The following MALRD1 variants were observed in gnomAD, a reference collection of about 807,000 sequenced individuals.
MALRD1 encodes the protein MAM and LDL-receptor class A domain-containing protein 1.
A neutral mutation model predicts 242.1 loss-of-function variants in MALRD1; 247 were observed. The observed-to-expected ratio is 1.02, with a 90% CI of 0.92 to 1.13. The LOEUF (loss-of-function observed/expected upper bound fraction) is 1.13. Among genes scored for constraint, MALRD1 ranks in the 50% most tolerant of loss-of-function variants. MALRD1 has a pLI of 0.00. For synonymous variants in MALRD1, 995 were observed against 866.6 expected, an observed-to-expected ratio of 1.15 and a Z score of -2.60; for missense variants, 2,989 against 2,533.1, an observed-to-expected ratio of 1.18 and a Z score of -3.86.
intron 19 of MALRD1, among the ~76,000 whole-genome samples, chr10:19,276,987 T>C (rs924123339): frequency 7.2e-5 from 11 of 152,206 alleles, no homozygotes; most frequent in South Asian, 6.2e-4. Context: ...TGGTGTGATA[T>C]CGGCTCACTG....
chr10:19,668,635 C>CAA lies in MALRD1; in HGVS notation c.6138-23646_6138-23645insAA, dbSNP rs149211462. On this transcript the variant is annotated intron_variant, in intron 36 of 39. Coordinates refer to ENST00000454679, the MANE Select transcript of MALRD1 (RefSeq NM_001142308.3). Reference sequence around the variant, plus strand: ...AACATTTAATTCTATTTAATATGTGCAGAGTTAGAATATATACCTGGAGTC... The same window carrying CAA: ...AACATTTAATTCTATTTAATATGTGCAAAGAGTTAGAATATATACCTGGAGTC... Among the ~76,000 whole-genome samples, 675 of 152,106 alleles carry CAA rather than the reference C, an allele frequency of 4.4e-3. 6 individuals carry two copies. Among genetic ancestry groups the CAA allele is most frequent in the African/African-American group, 0.015 (617 of 41,486 alleles).
intron 35 of MALRD1, among the ~76,000 whole-genome samples, chr10:19,615,345 C>A (rs1213132548): frequency 6.6e-5 from 10 of 150,934 alleles, no homozygotes; most frequent in Admixed American, 6.6e-4. Flanking sequence ...ATGGCAAGAT[C>A]CCATCTTTAC....
intron 31 of MALRD1, among the ~76,000 whole-genome samples, chr10:19,511,347 ATC>A (rs1475495023): frequency 6.6e-6 from 1 of 152,120 alleles, no homozygotes. Context: ...ATAAAAATAT[ATC>A]TTCAAGAGCC....
At chr10:19,202,120 A>T (rs2358346) in intron 14 of MALRD1, among the ~76,000 whole-genome samples, 136,166 of 152,254 alleles carry the variant, frequency 0.89, 61,159 homozygotes, top group East Asian at 1. Context: ...GACTGAGAAA[A>T]CTTTACTCTA....
rs953034069 is a variant in MALRD1 at position 19,567,598 on chromosome 10, A to G, written c.5575A>G (p.Ser1859Gly). ...GACATATGGCTCTGTGCCTCTCTCC[A>G]GTAACAGTCCGTTTAAGGTGGCATT... Reference protein sequence around the residue: ...GWTYGSVPLSSNSPFKVAFEA... With the variant: ...GWTYGSVPLSGNSPFKVAFEA... Residue 1859 changes from serine (S) to glycine (G), a missense_variant, in exon 33 of 40, where the codon AGT becomes GGT. Physicochemically the swap from Ser to Gly is moderately conservative, Grantham distance 56. Transcript: ENST00000454679. 5.8e-6 allele frequency: 9 copies of G among 1,550,650 alleles called. No homozygotes were observed. In the South Asian group the frequency reaches 8.3e-5, roughly 14 times the overall value.
chr10:19,491,418 T>C (rs1255156839), intron 29 of MALRD1, 99 bp from the exon 30 acceptor site: 1 of 1,385,512 alleles, frequency 7.2e-7, no homozygotes, highest in Non-Finnish European at 9.8e-7. Context: ...ATCCTTAACT[T>C]GCTTACTAGT....
At position 19,389,484 on chromosome 10, in the gene MALRD1, G is replaced by C; in HGVS notation, c.4720G>C (p.Gly1574Arg). 6.4e-7 allele frequency: 1 copy of C among 1,550,526 alleles called. No individual in the cohort carries two copies. Among genetic ancestry groups the C allele is most frequent in the Non-Finnish European group, 8.7e-7 (1 of 1,146,958 alleles). Residue 1574 changes from glycine to arginine, a missense_variant, in exon 28 of 40, where the codon GGC (glycine) becomes CGC (arginine). By Grantham distance (125) the Gly-to-Arg change is moderately radical. Transcript: ENST00000454679. ...HFMYLEATAV[G>R]LRGDKAHFRS... The stretch of plus-strand genomic sequence containing the variant: ...CATGTATCTGGAAGCTACTGCAGTG[G>C]GCCTTCGGGGTGACAAAGCACACTT...
chr10:19,582,151 A>T (rs1837160726), intron 33 of MALRD1, among the ~76,000 whole-genome samples: 1 of 151,472 alleles, frequency 6.6e-6, no homozygotes, highest in African/African-American at 2.4e-5. Context: ...GGTTGCAAAA[A>T]TTTTCTCCCA....
At chr10:19,682,696 A>G (rs988781141) in intron 36 of MALRD1, among the ~76,000 whole-genome samples, 2 of 152,018 alleles carry the variant, frequency 1.3e-5, no homozygotes, top group African/African-American at 4.8e-5. Context: ...TTGCTTTCTC[A>G]TTTTGTTGCG....
intron 32 of MALRD1, among the ~76,000 whole-genome samples, chr10:19,542,224 G>A (rs1835002742): frequency 6.6e-6 from 1 of 152,120 alleles, no homozygotes; most frequent in Non-Finnish European, 1.5e-5. Flanking sequence ...TCACTTGGAA[G>A]TCTCGGTCTG....
intron 33 of MALRD1, among the ~76,000 whole-genome samples, chr10:19,569,115 A>T (rs188512216): frequency 6.6e-6 from 1 of 152,142 alleles, no homozygotes; most frequent in African/African-American, 2.4e-5. Flanking sequence ...TAGATTATTC[A>T]TCCCATATTC....
At chr10:19,101,775 T>A (rs1836269002) in intron 4 of MALRD1, among the ~76,000 whole-genome samples, 1 of 136,052 alleles carries the variant, frequency 7.4e-6, no homozygotes, top group Non-Finnish European at 1.5e-5. Flanking sequence ...GTATATTATA[T>A]TATTATATAT....
intron 19 of MALRD1, among the ~76,000 whole-genome samples, chr10:19,267,484 C>G (rs987223836): frequency 6.6e-6 from 1 of 151,894 alleles, no homozygotes; most frequent in Non-Finnish European, 1.5e-5. Context: ...CATCCCTTCT[C>G]GTTAGCCTCA....
intron 36 of MALRD1, among the ~76,000 whole-genome samples, chr10:19,643,730 C>A (rs75164850): frequency 6.6e-5 from 10 of 152,104 alleles, no homozygotes; most frequent in African/African-American, 2.4e-4. Context: ...CCTATTCTGT[C>A]CCCTTCCTTG....
At chr10:19,574,195 A>G in intron 33 of MALRD1, among the ~76,000 whole-genome samples, 1 of 152,244 alleles carries the variant, frequency 6.6e-6, no homozygotes. Flanking sequence ...AGGCTTGAAT[A>G]GCAAGTCCAA....
At position 19,695,110 on chromosome 10, in the gene MALRD1, A is replaced by T. The variant is rs186779276; in HGVS notation, c.6314+2556A>T. ...GTGGGGAGGCATAGCATTAGGAGAT[A>T]TACCCAATGTAAATGATGAGTTAAT... On this transcript the variant is annotated intron_variant, in intron 38 of 39. Coordinates refer to ENST00000454679, the MANE Select transcript of MALRD1 (RefSeq NM_001142308.3). Among the ~76,000 whole-genome samples, 385 of 152,274 alleles carry T rather than the reference A, an allele frequency of 2.5e-3. 2 individuals are homozygous for T. The highest frequency in any genetic ancestry group is 7.5e-4 in the Non-Finnish European group (51 of 68,036).
chr10:19,562,406 T>C (rs1481376024), intron 32 of MALRD1, among the ~76,000 whole-genome samples: 1 of 152,038 alleles, frequency 6.6e-6, no homozygotes, highest in African/African-American at 2.4e-5. Flanking sequence ...GTAAAACTCA[T>C]GAAACTCTGG....
chr10:19,289,014 G>T (rs1841278964), intron 21 of MALRD1, among the ~76,000 whole-genome samples: 1 of 151,734 alleles, frequency 6.6e-6, no homozygotes. Context: ...CTATTAAGAT[G>T]GCTCCAGTTT....
chr10:19,691,338 A>C (rs1003240411), intron 36 of MALRD1, among the ~76,000 whole-genome samples: 5 of 152,044 alleles, frequency 3.3e-5, no homozygotes, highest in African/African-American at 1.2e-4. Flanking sequence ...TGCTTTTGTG[A>C]AGGAATTACT....
Sources: gnomAD v4.1 joint callset for allele counts (sites outside exome capture counted in the v4.1 genomes callset) on GRCh38, gnomAD v4.1.1 for gene constraint, MANE v1.5 for transcripts, NCBI Gene and HGNC (gene_info 2026-07-23, HGNC 2026-07-21) for gene names.